The following SCHIP1 variants were observed in gnomAD, a reference collection of about 807,000 sequenced individuals.
SCHIP1 encodes the protein schwannomin-interacting protein 1.
A neutral mutation model predicts 29.7 loss-of-function variants in SCHIP1; 8 were observed. The observed-to-expected ratio is 0.27, with a 90% CI of 0.16 to 0.49. The LOEUF is 0.49. Ranked by LOEUF, SCHIP1 falls within the 20% of genes least tolerant of loss-of-function variation. The probability of loss-of-function intolerance (pLI) is 0.99; values close to 1 mark genes in which losing one functional copy is unlikely to be tolerated. For synonymous variants in SCHIP1, 76 were observed against 94.9 expected (o/e 0.80, Z 1.16); for missense variants, 193 against 294.6 (o/e 0.66, Z 2.52).
chr3:159,468,339 G>A, the SCHIP1 span, among the ~76,000 whole-genome samples: 1 of 152,026 alleles, frequency 6.6e-6, no homozygotes, highest in Non-Finnish European at 1.5e-5. Flanking sequence ...AAATATATAA[G>A]TGAGCAGACA....
rs146170502 is a variant in SCHIP1, at chr3:159,879,431, T to C, written c.150-6776T>C. Among the ~76,000 whole-genome samples the C allele has an allele frequency of 3.3e-5, 5 of 152,336 alleles. No homozygotes were observed. In the East Asian group the frequency reaches 9.6e-4, roughly 29 times the overall value. On this transcript the variant is annotated intron_variant, in intron 2 of 6. Transcript: ENST00000445224. ...CGTTTTCTCATATGTGAAACAGGGT[T>C]CACAGTGCCTGCTTCATGTGTATCT... is the stretch of plus-strand genomic sequence containing the variant.
chr3:159,892,231 G>A (rs62270411), intron 6 of SCHIP1, 41 bp downstream of exon 7: 301 of 1,611,336 alleles, frequency 1.9e-4, no homozygotes, highest in Non-Finnish European at 2.5e-4. Flanking sequence ...AAAAGCCCAG[G>A]GTGGTCTGAA....
At chr3:159,355,474 A>C in the SCHIP1 span, among the ~76,000 whole-genome samples, 3 of 152,158 alleles carry the variant, frequency 2.0e-5, no homozygotes, top group African/African-American at 7.2e-5. Context: ...TTTGGTGCAC[A>C]AGGTGACATC....
At chr3:159,622,746 G>A in the SCHIP1 span, among the ~76,000 whole-genome samples, 2 of 151,978 alleles carry the variant, frequency 1.3e-5, no homozygotes, top group Non-Finnish European at 2.9e-5. Context: ...GTGAAACCCC[G>A]TCTCTACTAA....
the SCHIP1 span, among the ~76,000 whole-genome samples, chr3:159,622,316 C>G: frequency 6.6e-6 from 1 of 152,212 alleles, no homozygotes; most frequent in African/African-American, 2.4e-5. Context: ...GGAATAGTTA[C>G]ACTCTGGGTT....
chr3:159,287,255 A>G, the SCHIP1 span, among the ~76,000 whole-genome samples: 1 of 152,008 alleles, frequency 6.6e-6, no homozygotes, highest in East Asian at 1.9e-4. Context: ...ATATAGTATA[A>G]GGATTTTTAA....
intron 4 of SCHIP1, 36 bp from the exon 6 acceptor site, chr3:159,888,774 TTGTGGCTCTG>T: frequency 1.2e-6 from 2 of 1,606,894 alleles, no homozygotes; most frequent in Non-Finnish European, 1.7e-6. Flanking sequence ...TTCAGTGTGT[TTGTGGCTCTG>T]TTCACTCCTC....
chr3:159,792,994 A>G, the SCHIP1 span, among the ~76,000 whole-genome samples: 1 of 152,170 alleles, frequency 6.6e-6, no homozygotes, highest in Non-Finnish European at 1.5e-5. Flanking sequence ...CTTGACTCAC[A>G]ATGGTCTTAT....
the SCHIP1 span, among the ~76,000 whole-genome samples, chr3:159,477,071 A>G: frequency 5.3e-5 from 8 of 152,034 alleles, no homozygotes; most frequent in Non-Finnish European, 8.8e-5. Flanking sequence ...TGATTATTTT[A>G]CTTTGCATAG....
chr3:159,764,913 C>T, the SCHIP1 span: 1 of 1,527,268 alleles, frequency 6.5e-7, no homozygotes, highest in South Asian at 1.2e-5. This position sits in a 1 kb window ranked among gnomAD's most constrained non-coding sequence, Gnocchi z 6.1. Context: ...CCCGGGGCCC[C>T]CGCCGGGCGA....
the SCHIP1 span, among the ~76,000 whole-genome samples, chr3:159,612,465 G>A: frequency 4.1e-3 from 626 of 152,194 alleles, 4 homozygotes; most frequent in African/African-American, 0.014. Context: ...AGAATTGTTC[G>A]GACATGCGCG....
the SCHIP1 span, among the ~76,000 whole-genome samples, chr3:159,738,400 C>G: frequency 6.6e-6 from 1 of 152,060 alleles, no homozygotes; most frequent in Admixed American, 6.6e-5. Flanking sequence ...TAATGGATTG[C>G]CTTATATTGA....
chr3:159,797,450 G>C, the SCHIP1 span, among the ~76,000 whole-genome samples: 17 of 152,242 alleles, frequency 1.1e-4, no homozygotes, highest in East Asian at 3.3e-3. Context: ...AGATTGAAAT[G>C]TTATTAGTCT....
the SCHIP1 span, among the ~76,000 whole-genome samples, chr3:159,646,449 G>T: frequency 6.6e-6 from 1 of 152,050 alleles, no homozygotes; most frequent in East Asian, 1.9e-4. Context: ...GCTGTACTGC[G>T]GTCTGAGGCT....
At chr3:159,728,959 G>A in the SCHIP1 span, among the ~76,000 whole-genome samples, 1 of 152,150 alleles carries the variant, frequency 6.6e-6, no homozygotes, top group Non-Finnish European at 1.5e-5. Flanking sequence ...AGACCAGCCT[G>A]GCCAACATAG....
At chr3:159,822,966 A>G in the SCHIP1 span, among the ~76,000 whole-genome samples, 4 of 152,112 alleles carry the variant, frequency 2.6e-5, no homozygotes, top group African/African-American at 9.7e-5. Flanking sequence ...AGGAGAAGGC[A>G]GTGCCTTCAG....
chr3:159,607,016 C>T, the SCHIP1 span, among the ~76,000 whole-genome samples: 1 of 152,230 alleles, frequency 6.6e-6, no homozygotes, highest in African/African-American at 2.4e-5. Flanking sequence ...GGTCATTCTA[C>T]TTTTGAACAC....
At chr3:159,739,237 C>T in the SCHIP1 span, among the ~76,000 whole-genome samples, 1 of 152,158 alleles carries the variant, frequency 6.6e-6, no homozygotes, top group African/African-American at 2.4e-5. Context: ...CCTTTAAAGC[C>T]AGGCTAAGAA....
chr3:159,511,867 A>C, the SCHIP1 span, among the ~76,000 whole-genome samples: 2 of 152,342 alleles, frequency 1.3e-5, no homozygotes, highest in Admixed American at 1.3e-4. Context: ...AAAAACCAAA[A>C]CATGAAAAAC....
Sources: gnomAD v4.1 joint callset for allele counts (sites outside exome capture counted in the v4.1 genomes callset) on GRCh38, gnomAD v4.1.1 for gene constraint, Gnocchi (gnomAD v3.1) non-coding constraint, MANE v1.5 for transcripts, NCBI Gene and HGNC (gene_info 2026-07-23, HGNC 2026-07-21) for gene names.